The following RPH3A variants were observed in gnomAD, a reference collection of about 807,000 sequenced individuals.
The protein encoded by RPH3A is rabphilin 3A, also known as rabphilin-3A.
A neutral mutation model predicts 102.2 loss-of-function variants in RPH3A; 48 were observed. That is an observed-to-expected ratio of 0.47 (90% confidence interval 0.37 to 0.60). The LOEUF (loss-of-function observed/expected upper bound fraction) is 0.60. Ranked by LOEUF, RPH3A falls within the 20% of genes least tolerant of loss-of-function variation. RPH3A has a pLI of 0.00. For synonymous variants in RPH3A, 310 were observed against 324.3 expected (o/e 0.96, Z 0.47); for missense variants, 781 against 910.1 (o/e 0.86, Z 1.83).
intron 1 of RPH3A, among the ~76,000 whole-genome samples, chr12:112,589,162 G>A (rs567243946): frequency 2.8e-4 from 43 of 151,918 alleles, no homozygotes; most frequent in Non-Finnish European, 5.3e-4. Context: ...AGGCTGGAGG[G>A]GGAAGTGGGG....
intron 1 of RPH3A, among the ~76,000 whole-genome samples, chr12:112,759,988 C>T (rs1334339590): frequency 6.6e-6 from 1 of 152,140 alleles, no homozygotes; most frequent in Non-Finnish European, 1.5e-5. Flanking sequence ...CCAGCCGGCC[C>T]GACCAGCCGG....
intron 4 of RPH3A, among the ~76,000 whole-genome samples, chr12:112,845,653 C>T (rs778758418): frequency 1.3e-5 from 2 of 152,188 alleles, no homozygotes; most frequent in Non-Finnish European, 2.9e-5. Context: ...TTTAACATCT[C>T]CTTTGGCCAC....
intron 1 of RPH3A, among the ~76,000 whole-genome samples, chr12:112,642,908 AC>A (rs1200047685): frequency 2.0e-5 from 3 of 152,126 alleles, no homozygotes; most frequent in African/African-American, 7.2e-5. Flanking sequence ...GTCTGGAGAT[AC>A]TTTTTGGTTG....
At chr12:112,781,916 T>G (rs2041011778) in intron 1 of RPH3A, among the ~76,000 whole-genome samples, 1 of 152,236 alleles carries the variant, frequency 6.6e-6, no homozygotes, top group Non-Finnish European at 1.5e-5. Flanking sequence ...ATCCCTTAGT[T>G]ACTGACATAT....
intron 1 of RPH3A, among the ~76,000 whole-genome samples, chr12:112,744,269 T>A (rs1190657066): frequency 6.6e-6 from 1 of 152,062 alleles, no homozygotes; most frequent in Admixed American, 6.6e-5. Context: ...AGAGACAAGG[T>A]TTCACCATGT....
At chr12:112,849,284 T>C (rs1015129705) in intron 5 of RPH3A, among the ~76,000 whole-genome samples, 11 of 152,152 alleles carry the variant, frequency 7.2e-5, no homozygotes, top group African/African-American at 2.7e-4. Flanking sequence ...CACTTGGCCC[T>C]CTGTCAGCCT....
chr12:112,607,496 C>T (rs1762749654), intron 1 of RPH3A, among the ~76,000 whole-genome samples: 1 of 152,124 alleles, frequency 6.6e-6, no homozygotes, highest in South Asian at 2.1e-4. Context: ...TCTTTCTCCT[C>T]CTGTTGGGTC....
intron 7 of RPH3A, chr12:112,868,166 G>A: frequency 7.1e-6 from 3 of 423,110 alleles, no homozygotes; most frequent in Non-Finnish European, 4.2e-6. Context: ...TATTGGACCA[G>A]TCCTTAAGAT....
intron 5 of RPH3A, among the ~76,000 whole-genome samples, chr12:112,858,675 T>G (rs2042456005): frequency 6.6e-6 from 1 of 152,248 alleles, no homozygotes; most frequent in Non-Finnish European, 1.5e-5. Context: ...CTTGTTGTTT[T>G]GCTACCGTTG....
At chr12:112,708,994 A>G (rs2040442918) in intron 1 of RPH3A, among the ~76,000 whole-genome samples, 1 of 152,198 alleles carries the variant, frequency 6.6e-6, no homozygotes, top group Admixed American at 6.5e-5. Flanking sequence ...ATAAACAGCA[A>G]TTATATAAGG....
At chr12:112,642,125 CCTT>C (rs1433343252) in intron 1 of RPH3A, among the ~76,000 whole-genome samples, 1 of 152,098 alleles carries the variant, frequency 6.6e-6, no homozygotes, top group Non-Finnish European at 1.5e-5. Flanking sequence ...AAGGATCTCA[CCTT>C]CTTTGTAAAA....
At chr12:112,594,397 A>G (rs1024857982) in intron 1 of RPH3A, among the ~76,000 whole-genome samples, 1 of 152,034 alleles carries the variant, frequency 6.6e-6, no homozygotes, top group African/African-American at 2.4e-5. Context: ...TTCCACCCAC[A>G]TACCCACCCA....
chr12:112,681,993 G>T (rs1448712760), intron 1 of RPH3A, among the ~76,000 whole-genome samples: 1 of 152,182 alleles, frequency 6.6e-6, no homozygotes, highest in African/African-American at 2.4e-5. Flanking sequence ...TCCACAAATG[G>T]TGTTTGGATT....
At chr12:112,848,081 C>T (rs11836943) in intron 5 of RPH3A, among the ~76,000 whole-genome samples, 3,793 of 151,958 alleles carry the variant, frequency 0.025, 108 homozygotes, top group African/African-American at 0.064. Context: ...GATTGGGCTG[C>T]GAGTGAGGAG....
chr12:112,647,112 T>C (rs1401928298), intron 1 of RPH3A, among the ~76,000 whole-genome samples: 3 of 152,214 alleles, frequency 2.0e-5, no homozygotes, highest in Non-Finnish European at 1.5e-5. Context: ...CTTTTCTGGA[T>C]TGAAGACCCA....
intron 2 of RPH3A, among the ~76,000 whole-genome samples, chr12:112,821,258 A>G (rs1223555966): frequency 6.6e-6 from 1 of 152,208 alleles, no homozygotes; most frequent in Non-Finnish European, 1.5e-5. Flanking sequence ...AAGGGTTTGT[A>G]GAAATCCCAA....
chr12:112,808,422 C>T (rs552533840), intron 2 of RPH3A, among the ~76,000 whole-genome samples: 135 of 152,268 alleles, frequency 8.9e-4, no homozygotes, highest in African/African-American at 2.2e-3. Flanking sequence ...GGGTTTGGGC[C>T]GCTGGTGGAA....
At position 112,600,413 on chromosome 12, in the gene RPH3A, G is replaced by T. The variant is rs114489986; in HGVS notation, c.-140+25094G>T. Among the ~76,000 whole-genome samples the T allele has an allele frequency of 4.0e-3, 616 of 152,294 alleles. 3 individuals are homozygous for T. The highest frequency in any genetic ancestry group is 0.014 in the African/African-American group (587 of 41,564). On this transcript the variant is annotated intron_variant, in intron 1 of 21. Transcript: ENST00000543106. The stretch of plus-strand genomic sequence containing the variant: ...CTAAGTCCTTTTTCTGTCATAAGGT[G>T]TGAGGTTAAGCAGTTGGGATTGTGA...
At chr12:112,612,183 A>C (rs1024521048) in intron 1 of RPH3A, among the ~76,000 whole-genome samples, 1 of 152,156 alleles carries the variant, frequency 6.6e-6, no homozygotes, top group Non-Finnish European at 1.5e-5. Context: ...GGGGTGGGCT[A>C]TTCATTTGGA....
Sources: allele counts gnomAD v4.1 joint callset (sites outside exome capture counted in the v4.1 genomes callset), GRCh38; gene constraint gnomAD v4.1.1; transcripts MANE v1.5; gene names NCBI Gene and HGNC (gene_info 2026-07-23, HGNC 2026-07-21).